The following PPFIA2 variants were observed in gnomAD, a reference collection of about 807,000 sequenced individuals.
PPFIA2 encodes the protein PPFI scaffold protein A2.
PPFIA2 carries 46 observed loss-of-function variants against 175.5 expected under a neutral mutation model. The observed-to-expected ratio is 0.26, with a 90% confidence interval of 0.21 to 0.34. PPFIA2 has a LOEUF of 0.34. PPFIA2 is among the 10% of genes least tolerant of loss of function. The pLI is 1.00. For missense variants in PPFIA2, 1,179 were observed against 1,506.1 expected, an observed-to-expected ratio of 0.78 and a Z score of 3.60; for synonymous variants, 568 against 511.4, an observed-to-expected ratio of 1.11 and a Z score of -1.49.
At chr12:81,604,659 A>G (rs2060112331) in intron 4 of PPFIA2, among the ~76,000 whole-genome samples, 1 of 151,654 alleles carries the variant, frequency 6.6e-6, no homozygotes, top group African/African-American at 2.4e-5. Flanking sequence ...GTTATCAATC[A>G]TTGGTTTTCA....
In PPFIA2 at chr12:81,549,607, A is replaced by C. The variant is rs117622526; in HGVS notation, c.304-91741T>G. Reference sequence around the variant, plus strand: ...TCGCTCCAATGTTCTTATCTCACTAAATCCTTGAATATGTCCCATTCCATT... The same window carrying C: ...TCGCTCCAATGTTCTTATCTCACTACATCCTTGAATATGTCCCATTCCATT... On this transcript the variant is annotated intron_variant, in intron 4 of 32. Transcript: ENST00000549396. Among the ~76,000 whole-genome samples the C allele has an allele frequency of 4.9e-4, 75 of 152,080 alleles. 1 individual carries two copies. The East Asian group carries it at 0.014, about 29-fold the overall frequency.
chr12:81,750,929 T>C (rs1252425113), intron 3 of PPFIA2, among the ~76,000 whole-genome samples: 1 of 152,150 alleles, frequency 6.6e-6, no homozygotes, highest in Non-Finnish European at 1.5e-5. Flanking sequence ...TTTTACATGC[T>C]TTATTTCTGC....
intron 4 of PPFIA2, among the ~76,000 whole-genome samples, chr12:81,596,722 A>G (rs1305360571): frequency 6.6e-6 from 1 of 152,150 alleles, no homozygotes; most frequent in East Asian, 1.9e-4. Flanking sequence ...ATCTCAGTGT[A>G]CAGAGGAGAA....
chr12:81,361,870 A>G (rs1306510194), intron 15 of PPFIA2, among the ~76,000 whole-genome samples: 1 of 151,640 alleles, frequency 6.6e-6, no homozygotes, highest in Non-Finnish European at 1.5e-5. Flanking sequence ...TGTGTTGCCT[A>G]GTAAATAAGT....
intron 9 of PPFIA2, among the ~76,000 whole-genome samples, chr12:81,381,214 T>C (rs1051275675): frequency 6.6e-6 from 1 of 152,078 alleles, no homozygotes. Context: ...TCTTCTAAAA[T>C]ATATACATAG....
chr12:81,583,161 C>A (rs576238905), intron 4 of PPFIA2, among the ~76,000 whole-genome samples: 8 of 151,990 alleles, frequency 5.3e-5, no homozygotes, highest in Admixed American at 5.3e-4. Context: ...CACCTTGACT[C>A]TCATTGCTGC....
chr12:81,647,809 A>G (rs1397608529), intron 4 of PPFIA2, among the ~76,000 whole-genome samples: 1 of 142,588 alleles, frequency 7.0e-6, no homozygotes, highest in African/African-American at 2.6e-5. Flanking sequence ...TATATTATAT[A>G]TACTATAAAA....
At chr12:81,449,461 T>C (rs560339412) in intron 5 of PPFIA2, among the ~76,000 whole-genome samples, 3 of 151,248 alleles carry the variant, frequency 2.0e-5, no homozygotes, top group South Asian at 4.2e-4. Flanking sequence ...CTTACAGTCA[T>C]GTTATGATAT....
At chr12:81,597,602 C>A (rs1253983657) in intron 4 of PPFIA2, among the ~76,000 whole-genome samples, 1 of 151,998 alleles carries the variant, frequency 6.6e-6, no homozygotes, top group Non-Finnish European at 1.5e-5. Flanking sequence ...ACTCTTTCTG[C>A]GACGCACAAG....
intron 28 of PPFIA2, among the ~76,000 whole-genome samples, chr12:81,274,221 G>T (rs991532311): frequency 4.6e-5 from 7 of 152,046 alleles, no homozygotes; most frequent in African/African-American, 9.7e-5. Context: ...TAAACACACC[G>T]TTTTTTAAAA....
intron 22 of PPFIA2, among the ~76,000 whole-genome samples, chr12:81,307,354 G>C (rs558959981): frequency 6.6e-6 from 1 of 152,218 alleles, no homozygotes; most frequent in South Asian, 2.1e-4. Flanking sequence ...TTGAATGACT[G>C]CTAAATTGTA....
intron 22 of PPFIA2, among the ~76,000 whole-genome samples, chr12:81,324,919 A>G (rs2054425028): frequency 1.3e-5 from 2 of 152,036 alleles, no homozygotes; most frequent in Non-Finnish European, 1.5e-5. Context: ...AACATTTACA[A>G]AGCAAGTGAG....
intron 7 of PPFIA2, among the ~76,000 whole-genome samples, chr12:81,406,716 C>G (rs987630906): frequency 6.6e-6 from 1 of 151,674 alleles, no homozygotes; most frequent in South Asian, 2.1e-4. Context: ...TATATTAATG[C>G]TGTAACTTAT....
chr12:81,525,722 C>T (rs1178424879), intron 4 of PPFIA2, among the ~76,000 whole-genome samples: 3 of 152,238 alleles, frequency 2.0e-5, no homozygotes, highest in Admixed American at 2.0e-4. Flanking sequence ...GAAATTAATG[C>T]AGAACCCTTA....
intron 23 of PPFIA2, among the ~76,000 whole-genome samples, chr12:81,296,179 C>T (rs1057269582): frequency 2.6e-5 from 4 of 151,806 alleles, no homozygotes; most frequent in African/African-American, 7.3e-5. Context: ...ATCAGCCAGG[C>T]GTGGTGGCAG....
intron 4 of PPFIA2, among the ~76,000 whole-genome samples, chr12:81,570,154 C>T (rs1156385294): frequency 6.6e-6 from 1 of 152,192 alleles, no homozygotes; most frequent in African/African-American, 2.4e-5. Context: ...ATATGGTTAA[C>T]ATCATATATA....
intron 4 of PPFIA2, among the ~76,000 whole-genome samples, chr12:81,583,731 G>A (rs2074762540): frequency 6.6e-6 from 1 of 151,732 alleles, no homozygotes; most frequent in Non-Finnish European, 1.5e-5. Context: ...GACAGGGAAT[G>A]GCATCCCTAA....
intron 4 of PPFIA2, among the ~76,000 whole-genome samples, chr12:81,627,147 G>A (rs1001860034): frequency 6.6e-6 from 1 of 151,896 alleles, no homozygotes; most frequent in African/African-American, 2.4e-5. Flanking sequence ...GACAAAAAGG[G>A]GCTGATAAAT....
chr12:81,738,551 C>T (rs1597068871), intron 3 of PPFIA2, among the ~76,000 whole-genome samples: 3 of 151,754 alleles, frequency 2.0e-5, no homozygotes, highest in Admixed American at 2.0e-4. Flanking sequence ...TATACATTAA[C>T]ATTACACTTT....
Sources: gnomAD v4.1 joint callset for allele counts (sites outside exome capture counted in the v4.1 genomes callset) on GRCh38, gnomAD v4.1.1 for gene constraint, MANE v1.5 for transcripts, NCBI Gene and HGNC (gene_info 2026-07-23, HGNC 2026-07-21) for gene names.